The following GRID2 variants were observed in gnomAD, a reference collection of about 807,000 sequenced individuals.
GRID2 encodes glutamate receptor ionotropic, delta-2.
Under a neutral mutation model 114.8 loss-of-function variants are expected in GRID2, and 33 were observed. The observed-to-expected ratio is 0.29, with a 90% CI of 0.22 to 0.38. The LOEUF is 0.38. Among genes scored for constraint, GRID2 ranks in the 10% least tolerant of loss-of-function variants. The pLI is 1.00. For synonymous variants in GRID2, 505 were observed against 449.9 expected, an observed-to-expected ratio of 1.12 and a Z score of -1.55; for missense variants, 1,184 against 1,257.7, an observed-to-expected ratio of 0.94 and a Z score of 0.89.
At chr4:93,526,396 A>G (rs1730905137) in intron 13 of GRID2, among the ~76,000 whole-genome samples, 1 of 152,162 alleles carries the variant, frequency 6.6e-6, no homozygotes, top group Non-Finnish European at 1.5e-5. Flanking sequence ...GCATTTCTTT[A>G]TAGCTGTGAG....
intron 2 of GRID2, among the ~76,000 whole-genome samples, chr4:93,041,457 A>G (rs925005663): frequency 6.6e-6 from 1 of 152,150 alleles, no homozygotes; most frequent in Non-Finnish European, 1.5e-5. Flanking sequence ...GGAGTCTTAC[A>G]ATCTCTGAAA....
intron 2 of GRID2, among the ~76,000 whole-genome samples, chr4:92,677,768 G>A: frequency 6.6e-6 from 1 of 151,966 alleles, no homozygotes; most frequent in South Asian, 2.1e-4. Context: ...CTGTTCCAAA[G>A]TGACTTCCTT....
chr4:92,388,339 T>C (rs2110254813), intron 1 of GRID2, among the ~76,000 whole-genome samples: 1 of 152,156 alleles, frequency 6.6e-6, no homozygotes, highest in African/African-American at 2.4e-5. Context: ...TGCAGTATTT[T>C]CCTGAAGTCA....
At chr4:93,730,629 T>C (rs1480675652) in intron 14 of GRID2, among the ~76,000 whole-genome samples, 1 of 152,198 alleles carries the variant, frequency 6.6e-6, no homozygotes, top group Non-Finnish European at 1.5e-5. Flanking sequence ...AGCACAGATA[T>C]TGGGGTCATC....
intron 8 of GRID2, among the ~76,000 whole-genome samples, chr4:93,288,610 A>G (rs1010421307): frequency 5.3e-5 from 8 of 152,092 alleles, no homozygotes; most frequent in African/African-American, 1.9e-4. Context: ...TTCCTCACCT[A>G]TATACTTTTT....
rs3044025 is a variant in GRID2 at position 93,453,316 on chromosome 4, A to AAGAGAGAGAGAGAGAG, written c.1546-2317_1546-2302dup. On this transcript the variant is annotated intron_variant, in intron 10 of 15. Transcript: ENST00000282020. ...GACTATACAAAACTCAGAGATGGGAAAGAGAGAGAGAGAGAGAGAGAGAGA... is the reference window on the plus strand; with the variant it reads ...GACTATACAAAACTCAGAGATGGGAAAGAGAGAGAGAGAGAGAGAGAGAGAGAGAGAGAGAGAGAGA... Among the ~76,000 whole-genome samples the AAGAGAGAGAGAGAGAG allele has an allele frequency of 1.1e-4, 14 of 127,292 alleles. No individual in the cohort carries two copies. The East Asian group carries it at 2.4e-3, about 22-fold the overall frequency. 83.5% of individuals were successfully genotyped at this position (127,292 alleles called of 152,430 possible).
intron 4 of GRID2, among the ~76,000 whole-genome samples, chr4:93,132,978 T>G (rs564453764): frequency 6.6e-5 from 10 of 152,320 alleles, no homozygotes; most frequent in Non-Finnish European, 1.0e-4. Context: ...TTTCATATGG[T>G]TCACTTCTCT....
intron 1 of GRID2, among the ~76,000 whole-genome samples, chr4:92,417,592 C>G (rs1731683064): frequency 6.6e-6 from 1 of 152,128 alleles, no homozygotes. Context: ...CAGGTATGTA[C>G]TAAGCACTAT....
intron 2 of GRID2, among the ~76,000 whole-genome samples, chr4:92,785,316 G>A (rs1343242862): frequency 6.6e-6 from 1 of 151,094 alleles, no homozygotes; most frequent in Non-Finnish European, 1.5e-5. Flanking sequence ...TCTATAAGTG[G>A]CAGAAATACT....
intron 8 of GRID2, among the ~76,000 whole-genome samples, chr4:93,264,771 T>A (rs28513786): frequency 8.6e-6 from 1 of 116,852 alleles, no homozygotes; most frequent in African/African-American, 3.4e-5. Flanking sequence ...TATATATATA[T>A]ATAAATATAT....
chr4:93,725,971 G>C (rs1273312379), intron 14 of GRID2, among the ~76,000 whole-genome samples: 1 of 152,180 alleles, frequency 6.6e-6, no homozygotes, highest in Non-Finnish European at 1.5e-5. Context: ...TTGCTGTGCA[G>C]AAGCTCTTTA....
chr4:92,641,870 G>A (rs1222717443), intron 2 of GRID2, among the ~76,000 whole-genome samples: 3 of 149,934 alleles, frequency 2.0e-5, no homozygotes, highest in Non-Finnish European at 4.5e-5. Flanking sequence ...ACTTATAAAT[G>A]AGAACATGCA....
chr4:93,650,805 C>A (rs1722519714), intron 14 of GRID2, among the ~76,000 whole-genome samples: 1 of 151,840 alleles, frequency 6.6e-6, no homozygotes, highest in South Asian at 2.1e-4. Flanking sequence ...TAAAAAAATT[C>A]TTCAAGCAGA....
chr4:93,073,260 G>A (rs992353818), intron 2 of GRID2, among the ~76,000 whole-genome samples: 57 of 152,184 alleles, frequency 3.7e-4, no homozygotes, highest in African/African-American at 1.4e-3. Context: ...CGTGGACTGA[G>A]CTCTGCAGCT....
At chr4:92,467,920 A>G (rs1721835453) in intron 1 of GRID2, among the ~76,000 whole-genome samples, 1 of 151,982 alleles carries the variant, frequency 6.6e-6, no homozygotes, top group Non-Finnish European at 1.5e-5. Flanking sequence ...AATGAGTGAT[A>G]TGGAATGATC....
intron 13 of GRID2, among the ~76,000 whole-genome samples, chr4:93,549,507 T>C (rs1468148157): frequency 6.6e-6 from 1 of 152,202 alleles, no homozygotes; most frequent in Non-Finnish European, 1.5e-5. Flanking sequence ...GTGTTTCATA[T>C]GGCATACTTC....
At chr4:92,877,152 A>G (rs1036004596) in intron 2 of GRID2, among the ~76,000 whole-genome samples, 6 of 152,344 alleles carry the variant, frequency 3.9e-5, no homozygotes, top group South Asian at 4.1e-4. Flanking sequence ...GAGTCTCAAC[A>G]GGAAACTTAA....
intron 14 of GRID2, among the ~76,000 whole-genome samples, chr4:93,740,245 T>C (rs1394393910): frequency 1.3e-5 from 2 of 152,202 alleles, no homozygotes; most frequent in Non-Finnish European, 2.9e-5. Context: ...CTATACCATC[T>C]AGGTTTGTGT....
At chr4:93,135,215 T>C (rs1363034918) in intron 4 of GRID2, among the ~76,000 whole-genome samples, 3 of 152,184 alleles carry the variant, frequency 2.0e-5, no homozygotes, top group Non-Finnish European at 4.4e-5. Context: ...GCTTTTAATA[T>C]TCCTGAACAA....
Sources: allele counts gnomAD v4.1 joint callset (sites outside exome capture counted in the v4.1 genomes callset), GRCh38; gene constraint gnomAD v4.1.1; transcripts MANE v1.5; gene names NCBI Gene and HGNC (gene_info 2026-07-23, HGNC 2026-07-21).